Variants in ALPK2 observed in about 807,000 individuals in gnomAD.
The protein encoded by ALPK2 is alpha-protein kinase 2.
A neutral mutation model predicts 163.1 loss-of-function variants in ALPK2; 127 were observed. The ratio of observed to expected loss-of-function variants is 0.78; its 90% CI spans 0.67 to 0.90. The LOEUF (loss-of-function observed/expected upper bound fraction) is 0.90, where lower values mean the gene tolerates loss of function less well. ALPK2 is among the 40% of genes least tolerant of loss of function. The pLI, the probability that ALPK2 is intolerant of heterozygous loss-of-function variation, is 0.00. For missense variants in ALPK2, 2,360 were observed against 2,589.6 expected (o/e 0.91, Z 1.92); for synonymous variants, 953 against 959.1 (o/e 0.99, Z 0.12).
At chr18:58,581,287 G>A (rs2051957652) in intron 3 of ALPK2, among the ~76,000 whole-genome samples, 1 of 152,156 alleles carries the variant, frequency 6.6e-6, no homozygotes, top group African/African-American at 2.4e-5. Context: ...TGCTAAGAGG[G>A]TGTCATTCTT....
intron 12 of ALPK2, 114 bp from the exon 13 acceptor site, chr18:58,482,153 T>A: frequency 1.3e-6 from 1 of 755,142 alleles, no homozygotes; most frequent in Non-Finnish European, 2.2e-6. Flanking sequence ...TATGAATTTC[T>A]GTTTTAGATA....
chr18:58,574,395 G>A (rs1272453001), intron 4 of ALPK2, among the ~76,000 whole-genome samples: 14 of 137,822 alleles, frequency 1.0e-4, no homozygotes, highest in Non-Finnish European at 2.0e-4. Context: ...GTTGCAGTGA[G>A]CCAAGATCAT....
At chr18:58,510,635 C>A (rs2051485452) in intron 10 of ALPK2, among the ~76,000 whole-genome samples, 1 of 152,158 alleles carries the variant, frequency 6.6e-6, no homozygotes, top group Non-Finnish European at 1.5e-5. Flanking sequence ...GTATTTTATT[C>A]TCTTTGAAGC....
At chr18:58,512,828 TGTG>T (rs1376084849) in intron 10 of ALPK2, among the ~76,000 whole-genome samples, 5 of 100,906 alleles carry the variant, frequency 5.0e-5, no homozygotes, top group East Asian at 3.8e-4. Flanking sequence ...ATGTATGAGG[TGTG>T]TGTGTGTGTG....
intron 4 of ALPK2, among the ~76,000 whole-genome samples, chr18:58,545,957 A>G (rs2051715610): frequency 6.6e-6 from 1 of 152,166 alleles, no homozygotes; most frequent in Admixed American, 6.5e-5. Flanking sequence ...CATTCGATAG[A>G]TCAAATCCAT....
intron 1 of ALPK2, among the ~76,000 whole-genome samples, chr18:58,618,736 A>C (rs544622549): frequency 6.6e-6 from 1 of 152,352 alleles, no homozygotes; most frequent in East Asian, 1.9e-4. Context: ...AAAACACTCA[A>C]GTGATGTCAC....
rs1449322882 is a variant in ALPK2, at chr18:58,561,079, T to C, written c.1962+17735A>G. On this transcript the variant is annotated intron_variant, in intron 4 of 12. Coordinates refer to ENST00000361673, the MANE Select transcript of ALPK2 (RefSeq NM_052947.4). ...TAACAGGTAAACCTATCAGATTACATGACAGTGTTCAACTTAACATTTATT... is the reference window on the plus strand; with the variant it reads ...TAACAGGTAAACCTATCAGATTACACGACAGTGTTCAACTTAACATTTATT... Among the ~76,000 whole-genome samples, 3 of 152,358 alleles carry C rather than the reference T, an allele frequency of 2.0e-5. No individual in the cohort carries two copies. The East Asian group carries it at 5.8e-4, about 29-fold the overall frequency.
rs760882340 is a variant in ALPK2 at position 58,579,183 on chromosome 18, T to C, written c.1593A>G (p.Ser531=). 3.1e-6 allele frequency: 5 copies of C among 1,614,012 alleles called. No homozygotes were observed. Among genetic ancestry groups the C allele is most frequent in the Non-Finnish European group, 4.2e-6 (5 of 1,180,014 alleles). Residue 531 remains serine (S), a synonymous_variant, in exon 4 of 13, where the codon TCA becomes TCG. Transcript: ENST00000361673. The part of the protein sequence containing the change: ...GGKDLWSKRG[S]RKSARVRQPG... The stretch of plus-strand genomic sequence containing the variant: ...GCTGCCTCACCCTGGCAGATTTCCT[T>C]GAACCCCTCTTGCTCCATAAGTCCT...
chr18:58,525,386 C>G (rs1270193359), intron 6 of ALPK2, among the ~76,000 whole-genome samples: 1 of 152,188 alleles, frequency 6.6e-6, no homozygotes, highest in Non-Finnish European at 1.5e-5. Flanking sequence ...ACAGAGGAGG[C>G]TTGTGGAAAG....
intron 1 of ALPK2, among the ~76,000 whole-genome samples, chr18:58,622,148 A>G (rs1269532767): frequency 6.6e-6 from 1 of 152,056 alleles, no homozygotes; most frequent in Non-Finnish European, 1.5e-5. Flanking sequence ...GGAGTTCGAG[A>G]CCAGCCTGGC....
At chr18:58,548,151 T>C (rs1260691450) in intron 4 of ALPK2, among the ~76,000 whole-genome samples, 1 of 152,172 alleles carries the variant, frequency 6.6e-6, no homozygotes, top group Non-Finnish European at 1.5e-5. Context: ...TATTCGGCTA[T>C]TGGAAAATCT....
At chr18:58,617,933 C>T (rs559368453) in intron 1 of ALPK2, among the ~76,000 whole-genome samples, 17 of 152,190 alleles carry the variant, frequency 1.1e-4, no homozygotes, top group African/African-American at 4.1e-4. Context: ...TGGAGTGTTT[C>T]AGACTTCCAA....
intron 3 of ALPK2, among the ~76,000 whole-genome samples, chr18:58,592,534 A>T (rs2052019610): frequency 6.6e-6 from 1 of 152,144 alleles, no homozygotes; most frequent in Non-Finnish European, 1.5e-5. Flanking sequence ...GGGACAATAA[A>T]GCAATGAGCT....
chr18:58,494,813 C>T (rs1426939415), intron 12 of ALPK2, among the ~76,000 whole-genome samples: 1 of 152,230 alleles, frequency 6.6e-6, no homozygotes. Flanking sequence ...TTCCCCAGCT[C>T]ATTTGCCTCC....
chr18:58,545,814 G>C (rs527271200), intron 4 of ALPK2, among the ~76,000 whole-genome samples: 1 of 152,048 alleles, frequency 6.6e-6, no homozygotes, highest in East Asian at 1.9e-4. Flanking sequence ...TTCCCTTGTG[G>C]TTCCAGGAAA....
At chr18:58,521,424 G>T (rs1005881597) in intron 8 of ALPK2, among the ~76,000 whole-genome samples, 2 of 152,078 alleles carry the variant, frequency 1.3e-5, no homozygotes, top group African/African-American at 4.8e-5. Flanking sequence ...GGAGTAAGGG[G>T]ATTCTTTTGC....
At chr18:58,627,633 AAAAC>A (rs969209117) in intron 1 of ALPK2, among the ~76,000 whole-genome samples, 3 of 152,218 alleles carry the variant, frequency 2.0e-5, no homozygotes, top group Non-Finnish European at 2.9e-5. Context: ...CTAAAAACAA[AAAAC>A]AAACAAACAA....
At chr18:58,508,783 T>G (rs1233334941) in intron 10 of ALPK2, among the ~76,000 whole-genome samples, 5 of 152,204 alleles carry the variant, frequency 3.3e-5, no homozygotes, top group Non-Finnish European at 7.4e-5. Context: ...CTTTACTCTA[T>G]GGACTTGCCC....
intron 1 of ALPK2, among the ~76,000 whole-genome samples, chr18:58,613,817 C>T (rs2052149738): frequency 6.6e-6 from 1 of 151,898 alleles, no homozygotes. Context: ...ATGAGGCCCA[C>T]CTTGCTTGGT....
Sources: allele counts gnomAD v4.1 joint callset (sites outside exome capture counted in the v4.1 genomes callset), GRCh38; gene constraint gnomAD v4.1.1; transcripts MANE v1.5; gene names NCBI Gene and HGNC (gene_info 2026-07-23, HGNC 2026-07-21).